The following SHROOM1 variants were observed in gnomAD, a reference collection of about 807,000 sequenced individuals.
The protein encoded by SHROOM1 is protein Shroom1.
In SHROOM1, 53 loss-of-function variants were observed where a neutral mutation model predicts 64.2. The ratio of observed to expected loss-of-function variants is 0.83; its 90% CI spans 0.66 to 1.04. SHROOM1 has a LOEUF of 1.04. SHROOM1 is among the 50% of genes least tolerant of loss of function. The probability of loss-of-function intolerance (pLI) is 0.00; values close to 1 mark genes in which losing one functional copy is unlikely to be tolerated. For missense variants in SHROOM1, 1,179 were observed against 1,163.2 expected, an observed-to-expected ratio of 1.01 and a Z score of -0.20; for synonymous variants, 490 against 518.9, an observed-to-expected ratio of 0.94 and a Z score of 0.76.
rs370007980 is a variant in SHROOM1 at position 132,824,194 on chromosome 5, G to C, written c.1467C>G (p.Thr489=). 2.5e-6 allele frequency: 4 copies of C among 1,614,112 alleles called. No individual in the cohort carries two copies. In the African/African-American group the frequency reaches 5.3e-5, roughly 22 times the overall value. Residue 489 remains threonine, a synonymous_variant, in exon 7 of 10, where the codon ACC becomes ACG. Coordinates refer to ENST00000378679, the MANE Select transcript of SHROOM1 (RefSeq NM_001172700.2). ...CACTCTCTGCAGCTGTGGGGGGATT[G>C]GTGGTCAGTCCAGTGGGGTCAATAG... ...IPTIDPTGLT[T]NPPTAAESDL...
At position 132,825,318 on chromosome 5, in the gene SHROOM1, A is replaced by G; in HGVS notation, c.823T>C (p.Trp275Arg). The change falls in exon 4 of 10, where the codon TGG becomes CGG. Residue 275 changes from tryptophan to arginine, a missense_variant. Coordinates refer to ENST00000378679, the MANE Select transcript of SHROOM1 (RefSeq NM_001172700.2). The surrounding 1 kb of genome is among the most constrained non-coding windows in gnomAD (Gnocchi z 5.1). ...LAKFEDHEVG[W>R]LPETQPQGSM... ...CCTTGGGGTTGCGTCTCGGGCAGCCATCCGACCTCGTGATCTTCAAACTTA... is the reference window on the plus strand; with the variant it reads ...CCTTGGGGTTGCGTCTCGGGCAGCCGTCCGACCTCGTGATCTTCAAACTTA... 4 of 1,609,396 alleles carry G rather than the reference A, an allele frequency of 2.5e-6. No homozygotes were observed. The highest frequency in any genetic ancestry group is 3.4e-6 in the Non-Finnish European group (4 of 1,179,676).
In SHROOM1 at chr5:132,822,897, T is replaced by C. The variant is rs1561446559; in HGVS notation, c.2458A>G (p.Ile820Val). ...IRLLQDQLDAIRDDLGHHAPS... is the reference protein window; with the variant it reads ...IRLLQDQLDAVRDDLGHHAPS... ...GCATGATGGCCAAGGTCGTCCCTGATGGCGTCCAGTTGGTCCTGAAGGAGG... is the reference window on the plus strand; with the variant it reads ...GCATGATGGCCAAGGTCGTCCCTGACGGCGTCCAGTTGGTCCTGAAGGAGG... The change falls in exon 10 of 10, where the codon ATC becomes GTC. Residue 820 changes from isoleucine (I) to valine (V), a missense_variant. Coordinates refer to ENST00000378679, the MANE Select transcript of SHROOM1 (RefSeq NM_001172700.2). 6.2e-7 allele frequency: 1 copy of C among 1,613,592 alleles called. No homozygotes were observed.
intron 2 of SHROOM1, among the ~76,000 whole-genome samples, chr5:132,826,835 G>A (rs1278702928): frequency 1.3e-5 from 2 of 152,230 alleles, no homozygotes; most frequent in African/African-American, 2.4e-5. Context: ...CAGCTGGGAC[G>A]TGGCAGAAGC....
intron 2 of SHROOM1, 46 bp downstream of exon 2, chr5:132,827,415 G>A (rs919965771): frequency 6.6e-6 from 1 of 152,300 alleles, no homozygotes; most frequent in African/African-American, 2.4e-5. Flanking sequence ...AAGAGATCAA[G>A]AGCATCCTGG....
In SHROOM1 at chr5:132,825,058, C is replaced by T. The variant is rs775882584; in HGVS notation, c.994G>A (p.Ala332Thr). 2 of 1,614,026 alleles carry T rather than the reference C, an allele frequency of 1.2e-6. No individual in the cohort carries two copies. Among genetic ancestry groups the T allele is most frequent in the Admixed American group, 1.7e-5 (1 of 60,010 alleles). ...TGAAACAATGGTCTGGGGGTTTCTG[C>T]TCCTTGGGGAACAGCCTGGAAGGGT... is the stretch of plus-strand genomic sequence containing the variant. ...IPIVQAVPQG[A>T]ETPRPLFQTK... The change falls in exon 5 of 10, where the codon GCA becomes ACA. Residue 332 changes from alanine to threonine, a missense_variant. By Grantham distance (58) the Ala-to-Thr change is moderately conservative. Transcript: ENST00000378679. This position sits in a 1 kb window ranked among gnomAD's most constrained non-coding sequence, Gnocchi z 5.1.
At chr5:132,828,958 C>G (rs940578667) in intron 1 of SHROOM1, among the ~76,000 whole-genome samples, 13 of 152,236 alleles carry the variant, frequency 8.5e-5, no homozygotes, top group African/African-American at 3.1e-4. Flanking sequence ...GAGCCTCTTG[C>G]AGTCCAGCCA....
rs1369869860 is a variant in SHROOM1 at position 132,822,390 on chromosome 5, G to C, written c.*406C>G. 9.6e-6 allele frequency: 1 copy of C among 104,184 alleles called. No homozygotes were observed. The highest frequency in any genetic ancestry group is 3.6e-5 in the African/African-American group (1 of 28,060). 6.5% of individuals were successfully genotyped at this position (104,184 alleles called of 1,614,324 possible). On this transcript the variant is annotated 3_prime_UTR_variant, in exon 10 of 10. Coordinates refer to ENST00000378679, the MANE Select transcript of SHROOM1 (RefSeq NM_001172700.2). ...TTTTTTTTTTTTTTTTTGAGACGGAGTCTTGCTCTGTCGCCCAGGCTGGAG... is the reference window on the plus strand; with the variant it reads ...TTTTTTTTTTTTTTTTTGAGACGGACTCTTGCTCTGTCGCCCAGGCTGGAG...
At position 132,823,175 on chromosome 5, in the gene SHROOM1, G is replaced by A; in HGVS notation, c.2227-47C>T. 1 of 1,545,138 alleles carries A rather than the reference G, an allele frequency of 6.5e-7. No homozygotes were observed. Among genetic ancestry groups the A allele is most frequent in the Non-Finnish European group, 8.7e-7 (1 of 1,154,856 alleles). On this transcript the variant is annotated intron_variant, in intron 9 of 9. Transcript: ENST00000378679. This position sits in a 1 kb window ranked among gnomAD's most constrained non-coding sequence, Gnocchi z 4.6. ...CCGTGAGCCGGGTGAGGGCGCCGCC[G>A]CTCCCGGAATGGTTCCAGCCGGAGA...
Position 132,822,758 on chromosome 5 carries a change from GAGAT to G in SHROOM1, c.*34_*37del. On this transcript the variant is annotated 3_prime_UTR_variant, in exon 10 of 10. Coordinates refer to ENST00000378679, the MANE Select transcript of SHROOM1 (RefSeq NM_001172700.2). ...AGCATCACCCCACTTACGTGGGTGA[GAGAT>G]AGGGGCGGTGCACCCCACCCTCTCC... 1.3e-6 allele frequency: 2 copies of G among 1,524,780 alleles called. No homozygotes were observed. Among genetic ancestry groups the G allele is most frequent in the Non-Finnish European group, 1.8e-6 (2 of 1,133,486 alleles). The allele number at this position is 1,524,780 out of a possible 1,614,324, so 94.5% of individuals were successfully genotyped here. A position where few individuals can be genotyped will look rare whatever the true frequency, so the allele number is the denominator to read the frequency against.
In SHROOM1 at chr5:132,825,524, G is replaced by C. The variant is rs530727326; in HGVS notation, c.617C>G (p.Pro206Arg). ...GAGGGGACCCCGGCCGGCAGTTCCT[G>C]GCGCGGGAGCCCGGGAGCGCGCCGG... Reference protein sequence around the residue: ...GEPARSRAPAPGTAGRGPLAN... With the variant: ...GEPARSRAPARGTAGRGPLAN... Residue 206 changes from proline to arginine, a missense_variant, in exon 4 of 10, where the codon CCA (proline) becomes CGA (arginine). Pro to Arg is a moderately radical substitution (Grantham distance 103). Transcript: ENST00000378679. The surrounding 1 kb of genome is among the most constrained non-coding windows in gnomAD (Gnocchi z 5.1). The C allele has an allele frequency of 2.7e-6, 4 of 1,468,640 alleles. No homozygotes were observed. The African/African-American group carries it at 5.8e-5, about 21-fold the overall frequency. The allele number at this position is 1,468,640 out of a possible 1,614,324, so 91.0% of individuals were successfully genotyped here.
At position 132,825,995 on chromosome 5, in the gene SHROOM1, G is replaced by C. The variant is rs1280858056; in HGVS notation, c.146C>G (p.Ser49Trp). The change falls in exon 4 of 10, where the codon TCG (serine) becomes TGG (tryptophan). Residue 49 changes from serine (S) to tryptophan (W), a missense_variant. Transcript: ENST00000378679. The surrounding 1 kb of genome is among the most constrained non-coding windows in gnomAD (Gnocchi z 5.1). ...ASGGPEPRTQ[S>W]PGTDLLPYLD... is the part of the protein sequence containing the mutation. ...GTAAGGAAGGAGGTCTGTCCCCGGC[G>C]ACTGCGTGCGCGGCTCGGGGCCGCC... is the stretch of plus-strand genomic sequence containing the variant. The C allele has an allele frequency of 3.3e-6, 5 of 1,530,632 alleles. No individual in the cohort carries two copies. In the East Asian group the frequency reaches 1.3e-4, roughly 40 times the overall value. The allele number at this position is 1,530,632 out of a possible 1,614,324, so 94.8% of individuals were successfully genotyped here.
rs757705036 is a variant in SHROOM1 at position 132,823,304 on chromosome 5, C to T, written c.2172G>A (p.Ala724=). 23 of 1,602,036 alleles carry T rather than the reference C, an allele frequency of 1.4e-5. No homozygotes were observed. The East Asian group carries it at 4.7e-4, about 33-fold the overall frequency. Residue 724 remains alanine (A), a synonymous_variant, in exon 9 of 10, where the codon GCG becomes GCA. Coordinates refer to ENST00000378679, the MANE Select transcript of SHROOM1 (RefSeq NM_001172700.2). The surrounding 1 kb of genome is among the most constrained non-coding windows in gnomAD (Gnocchi z 4.6). ...GLLLLLGSRL[A]RVRRALARAA... ...CCCGGGCCAGGGCGCGGCGCACGCG[C>T]GCCAGGCGACTGCCCAGCAGCAGCA...
At chr5:132,824,546 C>A in intron 6 of SHROOM1, 69 bp downstream of exon 6, 2 of 1,537,820 alleles carry the variant, frequency 1.3e-6, no homozygotes, top group Non-Finnish European at 1.8e-6. Context: ...GCATTCCCAC[C>A]CCTCTAGCGT....
rs1758674880 is a variant in SHROOM1, at chr5:132,825,880, G to A, written c.261C>T (p.Pro87=). The change falls in exon 4 of 10, where the codon CCC becomes CCT. Residue 87 remains proline, a synonymous_variant. Coordinates refer to ENST00000378679, the MANE Select transcript of SHROOM1 (RefSeq NM_001172700.2). This position sits in a 1 kb window ranked among gnomAD's most constrained non-coding sequence, Gnocchi z 5.1. ...AALCTSPRPR[P]AVAARSGPQP... ...GCGGCCCACTGCGGGCTGCAACCGC[G>A]GGCCGGGGCCGCGGGGATGTGCAAA... 3.8e-6 allele frequency: 5 copies of A among 1,301,430 alleles called. No individual in the cohort carries two copies. Among genetic ancestry groups the A allele is most frequent in the Non-Finnish European group, 4.9e-6 (5 of 1,019,382 alleles). The allele number at this position is 1,301,430 out of a possible 1,614,324, so 80.6% of individuals were successfully genotyped here. A position where few individuals can be genotyped will look rare whatever the true frequency, so the allele number is the denominator to read the frequency against.
Position 132,825,697 on chromosome 5 carries a change from C to G in SHROOM1, c.444G>C (p.Ala148=), listed in dbSNP as rs746611587. The change falls in exon 4 of 10, where the codon GCG becomes GCC. Residue 148 remains alanine (A), a synonymous_variant. Coordinates refer to ENST00000378679, the MANE Select transcript of SHROOM1 (RefSeq NM_001172700.2). This position sits in a 1 kb window ranked among gnomAD's most constrained non-coding sequence, Gnocchi z 5.1. ...ACGTCTCCCGGAGCACTCGCCGCTG[C>G]GCGCCCTGAAGCCGCTGGCGGTAGG... ...RAAYRQRLQG[A]QRRVLRETSF... 3.7e-6 allele frequency: 5 copies of G among 1,343,292 alleles called. No individual in the cohort carries two copies. In the East Asian group the frequency reaches 1.2e-4, roughly 33 times the overall value. The allele number at this position is 1,343,292 out of a possible 1,614,324, so 83.2% of individuals were successfully genotyped here. A position where few individuals can be genotyped will look rare whatever the true frequency, so the allele number is the denominator to read the frequency against.
In SHROOM1 at chr5:132,830,140, G is replaced by A. The variant is rs1758803976; in HGVS notation, c.-501+454C>T. Reference sequence around the variant, plus strand: ...AGCGGCTCGACAGCAGATGGCCGCAGCCCCGCGCAGTTCTGGGCCTTTCCC... The same window carrying A: ...AGCGGCTCGACAGCAGATGGCCGCAACCCCGCGCAGTTCTGGGCCTTTCCC... On this transcript the variant is annotated intron_variant, in intron 1 of 9. Coordinates refer to ENST00000378679, the MANE Select transcript of SHROOM1 (RefSeq NM_001172700.2). This position sits in a 1 kb window ranked among gnomAD's most constrained non-coding sequence, Gnocchi z 5.9. 1.0e-6 allele frequency: 1 copy of A among 985,420 alleles called. No individual in the cohort carries two copies. The allele number at this position is 985,420 out of a possible 1,614,324, so 61.0% of individuals were successfully genotyped here.
Position 132,825,882 on chromosome 5 carries a change from G to T in SHROOM1, c.259C>A (p.Pro87Thr). The change falls in exon 4 of 10, where the codon CCC becomes ACC. Residue 87 changes from proline to threonine, a missense_variant. Physicochemically the swap from Pro to Thr is conservative, Grantham distance 38 (BLOSUM62 -1). Transcript: ENST00000378679. The surrounding 1 kb of genome is among the most constrained non-coding windows in gnomAD (Gnocchi z 5.1). ...AALCTSPRPR[P>T]AVAARSGPQP... ...GGCCCACTGCGGGCTGCAACCGCGG[G>T]CCGGGGCCGCGGGGATGTGCAAAGG... 7.6e-7 allele frequency: 1 copy of T among 1,307,254 alleles called. No homozygotes were observed. The highest frequency in any genetic ancestry group is 2.3e-5 in the South Asian group (1 of 43,226). 81.0% of individuals were successfully genotyped at this position (1,307,254 alleles called of 1,614,324 possible). A position where few individuals can be genotyped will look rare whatever the true frequency, so the allele number is the denominator to read the frequency against.
intron 1 of SHROOM1, 38 bp from the exon 2 acceptor site, chr5:132,827,645 A>AAAACG (rs996973787): frequency 6.7e-6 from 1 of 150,052 alleles, no homozygotes; most frequent in Admixed American, 6.7e-5. Flanking sequence ...AAAACAAAAC[A>AAAACG]AAACCCCAAA....
chr5:132,825,261 G>A lies in SHROOM1; in HGVS notation c.880C>T (p.Leu294Phe). 6.2e-7 allele frequency: 1 copy of A among 1,613,698 alleles called. No individual in the cohort carries two copies. Among genetic ancestry groups the A allele is most frequent in the Non-Finnish European group, 8.5e-7 (1 of 1,179,934 alleles). Residue 294 changes from leucine to phenylalanine, a missense_variant, in exon 4 of 10, where the codon CTC (leucine) becomes TTC (phenylalanine). Coordinates refer to ENST00000378679, the MANE Select transcript of SHROOM1 (RefSeq NM_001172700.2). This position sits in a 1 kb window ranked among gnomAD's most constrained non-coding sequence, Gnocchi z 5.1. ...CTGGCGGGCCTGAAGGCATCACCGA[G>A]CTTCAAGGACCCGGAGTCCAGGTTC... ...SMNLDSGSLK[L>F]GDAFRPASRS...
Sources: allele counts gnomAD v4.1 joint callset (sites outside exome capture counted in the v4.1 genomes callset), GRCh38; gene constraint gnomAD v4.1.1; non-coding constraint Gnocchi (gnomAD v3.1); transcripts MANE v1.5; gene names NCBI Gene and HGNC (gene_info 2026-07-23, HGNC 2026-07-21).